DPH7: variants seen among roughly 807,000 people sequenced by gnomAD.
The protein encoded by DPH7 is diphthine methyltransferase.
A neutral mutation model predicts 41.7 loss-of-function variants in DPH7; 44 were observed. The ratio of observed to expected loss-of-function variants is 1.05; its 90% CI spans 0.83 to 1.36. DPH7 has a LOEUF of 1.36. DPH7 is among the 40% of genes most tolerant of loss of function. The pLI, the probability that DPH7 is intolerant of heterozygous loss-of-function variation, is 0.00. For missense variants in DPH7, 629 were observed against 577.5 expected (o/e 1.09, Z -0.91); for synonymous variants, 275 against 238.0 (o/e 1.16, Z -1.43).
chr9:137,565,391 GTGACTCTGTCT>G (rs1839484574), intron 5 of DPH7: 2 of 69,838 alleles, frequency 2.9e-5, no homozygotes, highest in South Asian at 8.5e-5. Flanking sequence ...GCTCCCCTGG[GTGACTCTGTCT>G]GTGAGGAAGC....
rs17853964 is a variant in DPH7, at chr9:137,555,284, G to T, written c.1314C>A (p.Ser438=). 1 of 1,613,668 alleles carries T rather than the reference G, an allele frequency of 6.2e-7. No homozygotes were observed. The highest frequency in any genetic ancestry group is 8.5e-7 in the Non-Finnish European group (1 of 1,179,760). Residue 438 remains serine, a synonymous_variant, in exon 9 of 9, where the codon TCC becomes TCA. Coordinates refer to ENST00000277540, the MANE Select transcript of DPH7 (RefSeq NM_138778.5). ...AGAGGTGGAGCGCATGGTCATAGAA[G>T]GAGCAGGTGGCCAGGAGGCTGAAGG... The part of the protein sequence containing the change: ...DSAFSLLATC[S]FYDHALHLWE...
At chr9:137,570,085 ACCAT>A (rs771414984) in intron 5 of DPH7, among the ~76,000 whole-genome samples, 2 of 148,914 alleles carry the variant, frequency 1.3e-5, no homozygotes, top group East Asian at 2.0e-4. Context: ...TCATCCACCC[ACCAT>A]CCATCCATCC....
chr9:137,560,625 C>T (rs1328477102), intron 8 of DPH7, among the ~76,000 whole-genome samples: 5 of 152,016 alleles, frequency 3.3e-5, no homozygotes, highest in East Asian at 1.9e-4. Context: ...GAGGCCGAGG[C>T]GGGCGGATCA....
At chr9:137,563,593 C>T (rs1160600219) in intron 8 of DPH7, among the ~76,000 whole-genome samples, 1 of 150,270 alleles carries the variant, frequency 6.7e-6, no homozygotes, top group Admixed American at 6.6e-5. Context: ...TCCTTGAGTA[C>T]AATCCAGTGC....
At chr9:137,577,654 C>A in intron 1 of DPH7, 51 bp from the exon 2 acceptor site, 2 of 1,594,262 alleles carry the variant, frequency 1.3e-6, no homozygotes, top group Non-Finnish European at 8.6e-7. Flanking sequence ...ACGAAGGAAC[C>A]CAAAGGATGG....
intron 4 of DPH7, 61 bp from the exon 5 acceptor site, chr9:137,574,441 TC>T: frequency 6.3e-7 from 1 of 1,576,208 alleles, no homozygotes; most frequent in South Asian, 1.1e-5. Context: ...CTCTTCTGGT[TC>T]CCAAACAAGT....
chr9:137,575,792 T>C, intron 3 of DPH7: 3 of 1,224,956 alleles, frequency 2.4e-6, no homozygotes, highest in Non-Finnish European at 3.1e-6. Context: ...AACCTAAGAA[T>C]GCTTGCCCAG....
intron 5 of DPH7, among the ~76,000 whole-genome samples, chr9:137,569,915 AC>A (rs1231089522): frequency 7.4e-6 from 1 of 134,932 alleles, no homozygotes; most frequent in Non-Finnish European, 1.6e-5. Flanking sequence ...CCATCCATCC[AC>A]TCACCCACTA....
chr9:137,555,741 C>A, intron 8 of DPH7, 93 bp from the exon 9 acceptor site: 1 of 1,392,162 alleles, frequency 7.2e-7, no homozygotes. Context: ...CCAAGAACAG[C>A]CCCTCACAGG....
chr9:137,577,640 A>G, intron 1 of DPH7, 37 bp from the exon 2 acceptor site: 1 of 1,604,708 alleles, frequency 6.2e-7, no homozygotes, highest in South Asian at 1.1e-5. Flanking sequence ...GATTATCCCA[A>G]GACACGAAGG....
intron 5 of DPH7, among the ~76,000 whole-genome samples, chr9:137,573,001 CTCCAACACCCTG>C (rs1840705118): frequency 6.6e-6 from 1 of 152,196 alleles, no homozygotes; most frequent in African/African-American, 2.4e-5. Context: ...GTGCCTGCTC[CTCCAACACCCTG>C]GCCAACACCA....
chr9:137,565,333 G>C (rs1333498945), intron 5 of DPH7, 179 bp from the exon 6 acceptor site: 1 of 319,446 alleles, frequency 3.1e-6, no homozygotes, highest in Non-Finnish European at 5.4e-6. Flanking sequence ...GCTCCCCGGG[G>C]TGACTGTCTG....
At chr9:137,576,380 C>T in intron 2 of DPH7, 2 of 552,822 alleles carry the variant, frequency 3.6e-6, no homozygotes, top group Non-Finnish European at 6.5e-6. Context: ...GCAAGTGTGA[C>T]ACAACAGGAA....
Position 137,574,940 on chromosome 9 carries a change from T to C in DPH7, c.376-97A>G, listed in dbSNP as rs527267759. The C allele has an allele frequency of 1.3e-5, 21 of 1,568,662 alleles. No homozygotes were observed. In the South Asian group the frequency reaches 2.4e-4, roughly 18 times the overall value. ...TGCAGGGAAGTCATCGTTCCCTCAT[T>C]TACAACCTATGCGAATGAAGTACAT... On this transcript the variant is annotated intron_variant, in intron 3 of 8. Transcript: ENST00000277540.
Position 137,565,157 on chromosome 9 carries a change from G to A in DPH7, c.641-3C>T, listed in dbSNP as rs779554065. 6.2e-7 allele frequency: 1 copy of A among 1,613,918 alleles called. No homozygotes were observed. Among genetic ancestry groups the A allele is most frequent in the Non-Finnish European group, 8.5e-7 (1 of 1,179,976 alleles). ...CCTCAGAAGGCCATCGTCGCCCCCT[G>A]TGTGGAGAAAGAGAAGCATCAACAC... On this transcript the variant is annotated splice_region_variant and splice_polypyrimidine_tract_variant and intron_variant, in intron 5 of 8. Transcript: ENST00000277540.
At position 137,565,066 on chromosome 9, in the gene DPH7, C is replaced by T. The variant is rs753106479; in HGVS notation, c.710+19G>A. The T allele has an allele frequency of 4.3e-6, 7 of 1,613,812 alleles. No individual in the cohort carries two copies. The highest frequency in any genetic ancestry group is 4.0e-5 in the African/African-American group (3 of 74,934). ...CGGGGGCTGGTGTGGGCACCGAGTGCTGGCCCTTGGGCAGTTACCTTTTGC... is the reference window on the plus strand; with the variant it reads ...CGGGGGCTGGTGTGGGCACCGAGTGTTGGCCCTTGGGCAGTTACCTTTTGC... On this transcript the variant is annotated intron_variant, in intron 6 of 8. Transcript: ENST00000277540.
rs1837357284 is a variant in DPH7, at chr9:137,555,585, G to C, written c.1013C>G (p.Ala338Gly). 1.2e-6 allele frequency: 2 copies of C among 1,613,324 alleles called. No individual in the cohort carries two copies. Among genetic ancestry groups the C allele is most frequent in the African/African-American group, 2.7e-5 (2 of 74,910 alleles). ...HTLPDSLVYG[A>G]DWSWLLFRSL... ...ACGGAAGAGCAGCCAGGACCAGTCG[G>C]CTCCATACACCAGCGAGTCGGGCAA... The change falls in exon 9 of 9, where the codon GCC becomes GGC. Residue 338 changes from alanine (A) to glycine (G), a missense_variant. Ala to Gly is a moderately conservative substitution (Grantham distance 60, BLOSUM62 0). Coordinates refer to ENST00000277540, the MANE Select transcript of DPH7 (RefSeq NM_138778.5).
intron 8 of DPH7, among the ~76,000 whole-genome samples, chr9:137,558,820 C>T (rs958659746): frequency 6.6e-6 from 1 of 152,100 alleles, no homozygotes; most frequent in Non-Finnish European, 1.5e-5. Flanking sequence ...CTGCAACCTC[C>T]GCCTCCCAGG....
At position 137,555,486 on chromosome 9, in the gene DPH7, CT is replaced by C; in HGVS notation, c.1111del (p.Ser371AlafsTer26). The C allele has an allele frequency of 6.2e-7, 1 of 1,614,152 alleles. No homozygotes were observed. Among genetic ancestry groups the C allele is most frequent in the Non-Finnish European group, 8.5e-7 (1 of 1,180,014 alleles). ...TTCATGACAGGGTGTTGGCAACTCG[CT>C]TGCACCCTTCAGGTCTGCCGTCTTG... ...GTKTADLKGA[S>X]ELPTPCHECR... On this transcript the variant is annotated frameshift_variant, in exon 9 of 9. Coordinates refer to ENST00000277540, the MANE Select transcript of DPH7 (RefSeq NM_138778.5). LOFTEE classifies it low-confidence loss of function (END_TRUNC).
Sources: gnomAD v4.1 joint callset for allele counts (sites outside exome capture counted in the v4.1 genomes callset) on GRCh38, gnomAD v4.1.1 for gene constraint, MANE v1.5 for transcripts, NCBI Gene and HGNC (gene_info 2026-07-23, HGNC 2026-07-21) for gene names.